The following TG variants were observed in gnomAD, a reference collection of about 807,000 sequenced individuals.
TG encodes thyroglobulin.
In TG, 270 loss-of-function variants were observed where a neutral mutation model predicts 324.7. The ratio of observed to expected loss-of-function variants is 0.83; its 90% CI spans 0.75 to 0.92. TG has a LOEUF of 0.92. Among genes scored for constraint, TG ranks in the 40% least tolerant of loss-of-function variants. The pLI is 0.00. For synonymous variants in TG, 1,401 were observed against 1,327.0 expected (o/e 1.06, Z -1.21); for missense variants, 3,591 against 3,456.4 (o/e 1.04, Z -0.98).
At chr8:133,009,199 G>T (rs982067508) in intron 35 of TG, among the ~76,000 whole-genome samples, 3 of 152,200 alleles carry the variant, frequency 2.0e-5, no homozygotes, top group Non-Finnish European at 4.4e-5. Context: ...GGTGAGTCTA[G>T]CCCTAAAACC....
rs573709598 is a variant in TG, at chr8:133,107,073, T to G, written c.7573-6349T>G. Among the ~76,000 whole-genome samples, 21 of 152,324 alleles carry G rather than the reference T, an allele frequency of 1.4e-4. No homozygotes were observed. The South Asian group carries it at 4.3e-3, about 32-fold the overall frequency. On this transcript the variant is annotated intron_variant, in intron 43 of 47. Transcript: ENST00000220616. Reference sequence around the variant, plus strand: ...GAAGAGAGAAGTCATATTTATTGTCTCCCATGTGTCAGCCTCTTTATAATC... The same window carrying G: ...GAAGAGAGAAGTCATATTTATTGTCGCCCATGTGTCAGCCTCTTTATAATC...
chr8:132,907,515 G>A (rs73708399), intron 17 of TG, among the ~76,000 whole-genome samples: 9,749 of 152,150 alleles, frequency 0.064, 1,028 homozygotes, highest in African/African-American at 0.22. Flanking sequence ...GCAGTGGGAA[G>A]GGCATCTGGG....
chr8:133,079,213 A>G (rs1845375461), intron 41 of TG, among the ~76,000 whole-genome samples: 1 of 152,214 alleles, frequency 6.6e-6, no homozygotes, highest in Non-Finnish European at 1.5e-5. Flanking sequence ...GTCAGGCTTT[A>G]GGACTCAAAA....
intron 41 of TG, among the ~76,000 whole-genome samples, chr8:133,058,548 G>A (rs1456780376): frequency 4.6e-5 from 7 of 152,352 alleles, no homozygotes; most frequent in South Asian, 2.1e-4. Flanking sequence ...AGATGGGTTC[G>A]GTGGGTGGGT....
chr8:132,901,408 A>C lies in TG; in HGVS notation c.3489A>C (p.Pro1163=). Residue 1163 remains proline, a synonymous_variant, in exon 16 of 48, where the codon CCA becomes CCC. Coordinates refer to ENST00000220616, the MANE Select transcript of TG (RefSeq NM_003235.5). ...GAGTCCTCTCCAGGAGAGTCAGCCC[A>C]GGCTATGTCCCAGCCTGCAGGGCAG... ...KSGVLSRRVS[P]GYVPACRAED... is the part of the protein sequence containing the mutation. 6.2e-7 allele frequency: 1 copy of C among 1,614,230 alleles called. No homozygotes were observed. Among genetic ancestry groups the C allele is most frequent in the Non-Finnish European group, 8.5e-7 (1 of 1,180,046 alleles).
intron 43 of TG, among the ~76,000 whole-genome samples, chr8:133,104,693 A>G (rs1473491484): frequency 1.3e-5 from 2 of 152,200 alleles, no homozygotes; most frequent in African/African-American, 2.4e-5. Context: ...GGGCTCTTGT[A>G]GGTCATGGGA....
At chr8:132,946,345 C>G (rs140923320) in intron 26 of TG, among the ~76,000 whole-genome samples, 13 of 152,248 alleles carry the variant, frequency 8.5e-5, no homozygotes, top group African/African-American at 3.1e-4. Flanking sequence ...TTGCTTTTCC[C>G]TCCAAGTTTA....
rs1839296983 is a variant in TG at position 132,869,693 on chromosome 8, C to T, written c.177-36C>T. The T allele has an allele frequency of 2.5e-6, 4 of 1,582,012 alleles. No homozygotes were observed. The African/African-American group carries it at 4.0e-5, about 16-fold the overall frequency. ...GAGCCGGCATGTGGCTTTGGGGGCC[C>T]ATCCCAGGGTCACCTGGTCTGTGTC... On this transcript the variant is annotated intron_variant, in intron 2 of 47. Transcript: ENST00000220616.
chr8:133,015,109 G>T (rs1424192669), intron 37 of TG, among the ~76,000 whole-genome samples: 2 of 152,160 alleles, frequency 1.3e-5, no homozygotes, highest in African/African-American at 4.8e-5. Flanking sequence ...CTGGCTTCAA[G>T]GGATCCACCT....
At chr8:132,958,591 G>A (rs2142381) in intron 27 of TG, among the ~76,000 whole-genome samples, 72,093 of 151,588 alleles carry the variant, frequency 0.48, 17,701 homozygotes, top group Admixed American at 0.56. Flanking sequence ...GGTGGTGGGC[G>A]CCTGTAATCC....
intron 8 of TG, among the ~76,000 whole-genome samples, chr8:132,883,698 T>G (rs1814987054): frequency 6.6e-6 from 1 of 152,170 alleles, no homozygotes; most frequent in Non-Finnish European, 1.5e-5. Flanking sequence ...TCGTGGGTTT[T>G]GCACGTAAGG....
intron 41 of TG, among the ~76,000 whole-genome samples, chr8:133,062,627 G>A (rs1341650141): frequency 6.6e-6 from 1 of 152,192 alleles, no homozygotes; most frequent in Non-Finnish European, 1.5e-5. Flanking sequence ...GCGCTGTCCT[G>A]CACAGGCCTC....
intron 23 of TG, among the ~76,000 whole-genome samples, chr8:132,931,710 G>A (rs915600052): frequency 5.3e-5 from 8 of 152,134 alleles, no homozygotes; most frequent in Admixed American, 1.3e-4. Flanking sequence ...CCCTGAGCCC[G>A]AAGCAGGGAT....
intron 41 of TG, among the ~76,000 whole-genome samples, chr8:133,062,780 A>G (rs1293590933): frequency 6.6e-6 from 1 of 152,098 alleles, no homozygotes; most frequent in East Asian, 1.9e-4. Flanking sequence ...CTTGGGAAGC[A>G]TGCGTATGAC....
At chr8:133,059,244 G>C (rs959974772) in intron 41 of TG, 1 of 423,046 alleles carries the variant, frequency 2.4e-6, no homozygotes, top group African/African-American at 2.0e-5. Context: ...AAGGTGGGAA[G>C]CAGAAGTGTT....
Position 132,882,824 on chromosome 8 carries a change from A to G in TG, c.900A>G (p.Lys300=). ...VISGRFRCPT[K]CEVERFTATS... is the part of the protein sequence containing the mutation. ...GTGGATTTCCTCTAGGCCCCACAAAATGTGAAGTGGAGCGGTTTACAGCAA... is the reference window on the plus strand; with the variant it reads ...GTGGATTTCCTCTAGGCCCCACAAAGTGTGAAGTGGAGCGGTTTACAGCAA... Residue 300 remains lysine, a synonymous_variant, in exon 8 of 48, where the codon AAA becomes AAG. Coordinates refer to ENST00000220616, the MANE Select transcript of TG (RefSeq NM_003235.5). 1 of 1,614,186 alleles carries G rather than the reference A, an allele frequency of 6.2e-7. No individual in the cohort carries two copies. Among genetic ancestry groups the G allele is most frequent in the Non-Finnish European group, 8.5e-7 (1 of 1,180,038 alleles).
At chr8:132,947,273 G>A (rs2687846) in intron 26 of TG, among the ~76,000 whole-genome samples, 79,127 of 151,960 alleles carry the variant, frequency 0.52, 21,962 homozygotes, top group Non-Finnish European at 0.61. Flanking sequence ...CCCCATACAC[G>A]TGACCTACCA....
At chr8:132,887,865 G>T in intron 9 of TG, 119 bp from the exon 10 acceptor site, 1 of 984,318 alleles carries the variant, frequency 1.0e-6, no homozygotes, top group Non-Finnish European at 1.6e-6. Flanking sequence ...AAGCTTCATG[G>T]TATTTCTATG....
At chr8:133,115,197 G>A (rs1205851624) in intron 44 of TG, among the ~76,000 whole-genome samples, 1 of 151,978 alleles carries the variant, frequency 6.6e-6, no homozygotes, top group Non-Finnish European at 1.5e-5. Flanking sequence ...TGAGAGCTGA[G>A]ACTGAGGGAA....
Sources: allele counts gnomAD v4.1 joint callset (sites outside exome capture counted in the v4.1 genomes callset), GRCh38; gene constraint gnomAD v4.1.1; transcripts MANE v1.5; gene names NCBI Gene and HGNC (gene_info 2026-07-23, HGNC 2026-07-21).